ATP11A: variants seen among roughly 807,000 people sequenced by gnomAD.
ATP11A encodes phospholipid-transporting ATPase IH.
A neutral mutation model predicts 154.4 loss-of-function variants in ATP11A; 81 were observed. The observed-to-expected ratio is 0.52, with a 90% CI of 0.44 to 0.63. The LOEUF (loss-of-function observed/expected upper bound fraction) is 0.63. ATP11A is among the 30% of genes least tolerant of loss of function. ATP11A has a pLI of 0.00. For synonymous variants in ATP11A, 623 were observed against 585.9 expected (o/e 1.06, Z -0.91); for missense variants, 1,316 against 1,474.3 (o/e 0.89, Z 1.76).
chr13:112,785,288 T>C lies in ATP11A; in HGVS notation c.162+31T>C. 2.8e-6 allele frequency: 4 copies of C among 1,423,870 alleles called. No homozygotes were observed. The highest frequency in any genetic ancestry group is 1.9e-4 in the Middle Eastern group (1 of 5,324). The allele number at this position is 1,423,870 out of a possible 1,614,324, so 88.2% of individuals were successfully genotyped here. On this transcript the variant is annotated intron_variant, in intron 2 of 29. Coordinates refer to ENST00000375645, the MANE Select transcript of ATP11A (RefSeq NM_015205.3). The surrounding 1 kb of genome is among the most constrained non-coding windows in gnomAD (Gnocchi z 4.8). Reference sequence around the variant, plus strand: ...TTGGCTTGGGTCTGAGTGTCCATAATGTGTCTAAAAAGCAGCTGCCGGGGG... The same window carrying C: ...TTGGCTTGGGTCTGAGTGTCCATAACGTGTCTAAAAAGCAGCTGCCGGGGG...
chr13:112,737,034 C>A (rs4907750), intron 1 of ATP11A, among the ~76,000 whole-genome samples: 40,372 of 152,040 alleles, frequency 0.27, 7,540 homozygotes, highest in African/African-American at 0.53. Context: ...AAACAACCCA[C>A]ATGTCTATCA....
At chr13:112,798,924 A>G (rs181236299) in intron 2 of ATP11A, among the ~76,000 whole-genome samples, 1 of 152,366 alleles carries the variant, frequency 6.6e-6, no homozygotes, top group Admixed American at 6.5e-5. Flanking sequence ...TGTGCAGGAA[A>G]GGCACTTTAA....
intron 2 of ATP11A, among the ~76,000 whole-genome samples, chr13:112,800,224 AAAATC>A (rs2078097821): frequency 6.6e-6 from 1 of 152,162 alleles, no homozygotes. Context: ...TTGAAAAAAA[AAAATC>A]AATAAAATCA....
At chr13:112,805,174 A>T in intron 3 of ATP11A, 128 bp downstream of exon 3, 3 of 631,682 alleles carry the variant, frequency 4.7e-6, no homozygotes, top group Non-Finnish European at 7.7e-6. Flanking sequence ...TGATTAATTT[A>T]TTTATTTTCT....
At chr13:112,791,015 A>G (rs1339533224) in intron 2 of ATP11A, among the ~76,000 whole-genome samples, 2 of 152,240 alleles carry the variant, frequency 1.3e-5, no homozygotes, top group Non-Finnish European at 2.9e-5. Context: ...ATGAGAAATC[A>G]CATCCAAAAT....
At position 112,752,371 on chromosome 13, in the gene ATP11A, G is replaced by T. The variant is rs113914449; in HGVS notation, c.40-32764G>T. Among the ~76,000 whole-genome samples the T allele has an allele frequency of 3.0e-3, 453 of 152,330 alleles. 4 individuals are homozygous for T. The highest frequency in any genetic ancestry group is 0.011 in the African/African-American group (441 of 41,578). On this transcript the variant is annotated intron_variant, in intron 1 of 29. Transcript: ENST00000375645. ...ACCTGTTTGAGCACAGGAGTGACATGCAGCGCCATTCCCAAAGTCTCCTGG... is the reference window on the plus strand; with the variant it reads ...ACCTGTTTGAGCACAGGAGTGACATTCAGCGCCATTCCCAAAGTCTCCTGG...
intron 1 of ATP11A, among the ~76,000 whole-genome samples, chr13:112,762,545 G>A (rs977918430): frequency 1.2e-4 from 18 of 152,236 alleles, no homozygotes; most frequent in African/African-American, 4.3e-4. Context: ...TCAGGATACT[G>A]CTCCATCATT....
At chr13:112,880,461 C>A in intron 29 of ATP11A, 1 of 1,136,008 alleles carries the variant, frequency 8.8e-7, no homozygotes, top group Non-Finnish European at 1.1e-6. Flanking sequence ...CTGCTGGGGT[C>A]CCACGGATGG....
intron 8 of ATP11A, among the ~76,000 whole-genome samples, chr13:112,822,951 G>T (rs1007311239): frequency 6.6e-6 from 1 of 152,144 alleles, no homozygotes; most frequent in Non-Finnish European, 1.5e-5. Flanking sequence ...CCTGACTAGT[G>T]TGATGGTTCC....
intron 17 of ATP11A, among the ~76,000 whole-genome samples, chr13:112,849,065 A>T (rs2079688822): frequency 6.6e-6 from 1 of 152,248 alleles, no homozygotes. Flanking sequence ...TTTTATCACC[A>T]AAAGGTGCTG....
rs137926128 is a variant in ATP11A, at chr13:112,814,612, G to A, written c.442-1471G>A. 6.1e-3 allele frequency among the ~76,000 whole-genome samples: 933 copies of A among 152,270 alleles called. 14 individuals carry two copies. Among genetic ancestry groups the A allele is most frequent in the African/African-American group, 0.02 (849 of 41,556 alleles). ...GTCGCCCCTGCACCAGGGGATGGCTGGCTGTCCCTTTTCCACGGAGTGGCG... is the reference window on the plus strand; with the variant it reads ...GTCGCCCCTGCACCAGGGGATGGCTAGCTGTCCCTTTTCCACGGAGTGGCG... On this transcript the variant is annotated intron_variant, in intron 5 of 29. Transcript: ENST00000375645.
intron 29 of ATP11A, chr13:112,880,647 TA>T: frequency 7.7e-7 from 1 of 1,292,918 alleles, no homozygotes; most frequent in Non-Finnish European, 1.0e-6. Flanking sequence ...AGCTCCACGC[TA>T]GGTAACTGTG....
At chr13:112,772,789 G>T (rs745005) in intron 1 of ATP11A, among the ~76,000 whole-genome samples, 1 of 152,194 alleles carries the variant, frequency 6.6e-6, no homozygotes, top group African/African-American at 2.4e-5. Context: ...GGGTCACCCC[G>T]CATTTCCCTG....
chr13:112,720,330 G>A (rs1030808841), intron 1 of ATP11A, among the ~76,000 whole-genome samples: 1 of 152,266 alleles, frequency 6.6e-6, no homozygotes, highest in Non-Finnish European at 1.5e-5. Context: ...AGATTCTTCA[G>A]TGTGCGATTG....
At chr13:112,756,531 C>T (rs1048825343) in intron 1 of ATP11A, among the ~76,000 whole-genome samples, 3 of 152,218 alleles carry the variant, frequency 2.0e-5, no homozygotes, top group African/African-American at 7.2e-5. Context: ...TCACCTAGAC[C>T]TTACCTCCCA....
At chr13:112,817,449 A>G (rs1301551812) in intron 6 of ATP11A, among the ~76,000 whole-genome samples, 1 of 152,214 alleles carries the variant, frequency 6.6e-6, no homozygotes, top group Non-Finnish European at 1.5e-5. Flanking sequence ...ACGCTAACCT[A>G]AAAGATTGTC....
intron 19 of ATP11A, 94 bp downstream of exon 19, chr13:112,854,624 C>G: frequency 7.0e-7 from 1 of 1,430,054 alleles, no homozygotes; most frequent in Non-Finnish European, 9.4e-7. Flanking sequence ...GCCGCATTGT[C>G]TCTACTGGGA....
chr13:112,712,452 G>A (rs1311747862), intron 1 of ATP11A, among the ~76,000 whole-genome samples: 1 of 152,210 alleles, frequency 6.6e-6, no homozygotes, highest in African/African-American at 2.4e-5. Context: ...AGCTCACTGG[G>A]CCCCACAGTG....
intron 1 of ATP11A, among the ~76,000 whole-genome samples, chr13:112,736,829 G>A (rs1891047679): frequency 1.3e-5 from 2 of 152,120 alleles, no homozygotes; most frequent in Non-Finnish European, 2.9e-5. Context: ...TTCAAAGGAC[G>A]CCATTATGAA....
Sources: gnomAD v4.1 joint callset for allele counts (sites outside exome capture counted in the v4.1 genomes callset) on GRCh38, gnomAD v4.1.1 for gene constraint, Gnocchi (gnomAD v3.1) non-coding constraint, MANE v1.5 for transcripts, NCBI Gene and HGNC (gene_info 2026-07-23, HGNC 2026-07-21) for gene names.